PABPC4L: variants seen among roughly 807,000 people sequenced by gnomAD.
PABPC4L encodes poly(A) binding protein cytoplasmic 4 like, also known as polyadenylate-binding protein 4-like.
For synonymous variants in PABPC4L, 169 were observed against 164.1 expected (o/e 1.03, Z -0.23); for missense variants, 452 against 451.4 (o/e 1.00, Z -0.01).
chr4:134,000,597 C>CT, the PABPC4L span, among the ~76,000 whole-genome samples: 1 of 152,090 alleles, frequency 6.6e-6, no homozygotes, highest in Non-Finnish European at 1.5e-5. Flanking sequence ...AACTCATTAA[C>CT]TTTTTTTCTT....
chr4:134,180,535 G>A, the PABPC4L span, among the ~76,000 whole-genome samples: 2 of 151,758 alleles, frequency 1.3e-5, no homozygotes, highest in African/African-American at 4.8e-5. Flanking sequence ...CAAAGTTAGA[G>A]CTGACCAGAG....
At chr4:134,173,286 T>C in the PABPC4L span, among the ~76,000 whole-genome samples, 9 of 152,054 alleles carry the variant, frequency 5.9e-5, no homozygotes, top group African/African-American at 1.9e-4. Flanking sequence ...CTGCCATGTT[T>C]GTAACAGTAC....
the PABPC4L span, among the ~76,000 whole-genome samples, chr4:134,073,148 A>G: frequency 1.3e-5 from 2 of 152,152 alleles, no homozygotes; most frequent in East Asian, 1.9e-4. Context: ...AAAGTCCCAT[A>G]TAAGACAAGG....
chr4:133,988,253 A>G, the PABPC4L span, among the ~76,000 whole-genome samples: 161 of 152,280 alleles, frequency 1.1e-3, 1 homozygote, highest in African/African-American at 3.8e-3. Context: ...CAGTCTCTCA[A>G]AGTCTGAACT....
rs1291140468 is a variant in PABPC4L at position 134,200,157 on chromosome 4, C to T, written c.863G>A (p.Arg288His). ...MFEQLKRERI[R>H]GCQGVKLYIK... ...ATAGAGTTTTACCCCCTGGCACCCA[C>T]GAATTCGTTCCCTTTTCAGCTGCTC... Residue 288 changes from arginine to histidine, a missense_variant, in exon 2 of 2, where the codon CGT becomes CAT. Physicochemically the swap from Arg to His is conservative, Grantham distance 29 (BLOSUM62 0). Coordinates refer to ENST00000421491, the MANE Select transcript of PABPC4L (RefSeq NM_001114734.2). The T allele has an allele frequency of 5.2e-6, 8 of 1,551,550 alleles. No homozygotes were observed. The East Asian group carries it at 1.2e-4, about 24-fold the overall frequency.
the PABPC4L span, among the ~76,000 whole-genome samples, chr4:133,988,703 C>A: frequency 6.6e-6 from 1 of 152,164 alleles, no homozygotes; most frequent in African/African-American, 2.4e-5. Flanking sequence ...ATTCTGGGGT[C>A]TGGAGGATGG....
the PABPC4L span, among the ~76,000 whole-genome samples, chr4:134,050,741 CGT>C: frequency 1.6e-5 from 2 of 127,916 alleles, no homozygotes; most frequent in Admixed American, 7.8e-5. Context: ...AAAGACAACA[CGT>C]AAGGATATAC....
the PABPC4L span, among the ~76,000 whole-genome samples, chr4:133,995,191 G>A: frequency 6.6e-6 from 1 of 152,268 alleles, no homozygotes; most frequent in South Asian, 2.1e-4. Flanking sequence ...TTTGCCAAAT[G>A]TTTCCCCTTT....
At chr4:134,005,081 A>G in the PABPC4L span, among the ~76,000 whole-genome samples, 6 of 151,968 alleles carry the variant, frequency 3.9e-5, no homozygotes, top group East Asian at 1.2e-3. Context: ...ATGTAAATGT[A>G]AAAATTGCTG....
the PABPC4L span, among the ~76,000 whole-genome samples, chr4:134,004,467 C>T: frequency 0.47 from 71,930 of 151,562 alleles, 18,623 homozygotes; most frequent in African/African-American, 0.65. Context: ...ATAATAATAG[C>T]TGACAGAAGA....
At chr4:133,975,354 T>C in the PABPC4L span, among the ~76,000 whole-genome samples, 1 of 152,084 alleles carries the variant, frequency 6.6e-6, no homozygotes, top group East Asian at 1.9e-4. Flanking sequence ...TGTGGAGGGA[T>C]CACTAATGAG....
the PABPC4L span, among the ~76,000 whole-genome samples, chr4:134,091,690 A>G: frequency 1.3e-5 from 2 of 151,876 alleles, no homozygotes; most frequent in African/African-American, 4.8e-5. Context: ...TCAAGAATAA[A>G]TAAATTTTTG....
In PABPC4L at chr4:134,201,175, G is replaced by C; in HGVS notation, c.-156C>G. On this transcript the variant is annotated 5_prime_UTR_variant, in exon 2 of 2. Transcript: ENST00000421491. ...ATGGAGTTCAGACACGACTCCCCCA[G>C]CTCAGGCAACACCCTCATCCAAAAG... 6.5e-7 allele frequency: 1 copy of C among 1,548,376 alleles called. No homozygotes were observed. The highest frequency in any genetic ancestry group is 1.2e-5 in the South Asian group (1 of 83,198).
At chr4:134,060,377 A>C in the PABPC4L span, among the ~76,000 whole-genome samples, 1 of 151,802 alleles carries the variant, frequency 6.6e-6, no homozygotes, top group Non-Finnish European at 1.5e-5. Context: ...CTAAGGGAGC[A>C]CTTGTGCCAA....
chr4:134,125,271 T>C, the PABPC4L span, among the ~76,000 whole-genome samples: 1 of 152,112 alleles, frequency 6.6e-6, no homozygotes, highest in African/African-American at 2.4e-5. Context: ...TGCCTGCTTT[T>C]ACTTCTGTAC....
the PABPC4L span, among the ~76,000 whole-genome samples, chr4:134,173,365 G>A: frequency 1.3e-5 from 2 of 151,852 alleles, no homozygotes; most frequent in African/African-American, 4.8e-5. Context: ...TTAAAAAGTG[G>A]CACATATACA....
At chr4:134,020,336 G>A in the PABPC4L span, among the ~76,000 whole-genome samples, 14 of 152,052 alleles carry the variant, frequency 9.2e-5, no homozygotes, top group African/African-American at 3.1e-4. Context: ...TCTGCTACAA[G>A]GGTTTGTGAT....
the PABPC4L span, among the ~76,000 whole-genome samples, chr4:133,976,495 C>A: frequency 2.0e-5 from 3 of 152,164 alleles, no homozygotes; most frequent in South Asian, 6.2e-4. Context: ...ATTGCTGGGT[C>A]AAATAGTATT....
At chr4:134,098,675 G>A in the PABPC4L span, among the ~76,000 whole-genome samples, 4 of 151,642 alleles carry the variant, frequency 2.6e-5, no homozygotes, top group Non-Finnish European at 5.9e-5. Flanking sequence ...GTAAGCTTAT[G>A]AAAGAGGATC....
Sources: allele counts gnomAD v4.1 joint callset (sites outside exome capture counted in the v4.1 genomes callset), GRCh38; gene constraint gnomAD v4.1.1; transcripts MANE v1.5; gene names NCBI Gene and HGNC (gene_info 2026-07-23, HGNC 2026-07-21).